Variants in DGKB observed in about 807,000 individuals in gnomAD.
DGKB encodes the protein 90 kDa diacylglycerol kinase.
DGKB carries 67 observed loss-of-function variants against 114.3 expected under a neutral mutation model. The ratio of observed to expected loss-of-function variants is 0.59; its 90% confidence interval spans 0.48 to 0.72. DGKB has a LOEUF of 0.72. DGKB is among the 30% of genes least tolerant of loss of function. The pLI is 0.00. For missense variants in DGKB, 907 were observed against 975.2 expected (o/e 0.93, Z 0.93); for synonymous variants, 398 against 323.1 (o/e 1.23, Z -2.49).
upstream of DGKB, among the ~76,000 whole-genome samples, chr7:14,907,534 C>T (rs1783772824): frequency 6.6e-6 from 1 of 152,170 alleles, no homozygotes; most frequent in Non-Finnish European, 1.5e-5. Flanking sequence ...TCTGCATGTG[C>T]GCTTACATGT....
intron 2 of DGKB, among the ~76,000 whole-genome samples, chr7:14,787,356 C>G (rs1421509979): frequency 3.3e-5 from 5 of 152,130 alleles, no homozygotes; most frequent in Non-Finnish European, 5.9e-5. Context: ...ACACAGAAAT[C>G]TGCAAGAGAA....
chr7:14,890,412 T>A (rs1190650964), intron 1 of DGKB, among the ~76,000 whole-genome samples: 1 of 151,424 alleles, frequency 6.6e-6, no homozygotes, highest in East Asian at 1.9e-4. Flanking sequence ...AAATCATGCT[T>A]TTCCTCTAAC....
At chr7:14,948,237 T>C (rs1159419263) in intron 1 of DGKB, among the ~76,000 whole-genome samples, 3 of 151,828 alleles carry the variant, frequency 2.0e-5, no homozygotes, top group African/African-American at 7.2e-5. Context: ...TTTAACTTTA[T>C]TTATTATAAA....
intron 21 of DGKB, among the ~76,000 whole-genome samples, chr7:14,377,083 G>A (rs1818610538): frequency 6.6e-6 from 1 of 152,118 alleles, no homozygotes; most frequent in African/African-American, 2.4e-5. Context: ...TTATAGGATG[G>A]GGGGTTCTGA....
At chr7:14,885,431 T>G (rs1854889535) in intron 1 of DGKB, among the ~76,000 whole-genome samples, 1 of 151,822 alleles carries the variant, frequency 6.6e-6, no homozygotes, top group Admixed American at 6.6e-5. Context: ...CAATGTTTCT[T>G]GGAGAGAGTG....
At chr7:14,786,271 G>A (rs1839884863) in intron 2 of DGKB, among the ~76,000 whole-genome samples, 1 of 152,088 alleles carries the variant, frequency 6.6e-6, no homozygotes, top group Non-Finnish European at 1.5e-5. Flanking sequence ...GTTATAATCG[G>A]TTGAATGTGT....
intron 1 of DGKB, among the ~76,000 whole-genome samples, chr7:14,940,453 T>C (rs1383093808): frequency 1.3e-5 from 2 of 152,134 alleles, no homozygotes; most frequent in Non-Finnish European, 2.9e-5. Context: ...AATTCTTTTT[T>C]TCTGGGATAA....
At chr7:14,889,563 T>G (rs928829676) in intron 1 of DGKB, among the ~76,000 whole-genome samples, 1 of 151,538 alleles carries the variant, frequency 6.6e-6, no homozygotes, top group African/African-American at 2.4e-5. Context: ...ACTGCTTGGT[T>G]TGGGAAACTG....
At chr7:14,631,897 A>G (rs1182585834) in intron 13 of DGKB, among the ~76,000 whole-genome samples, 1 of 151,984 alleles carries the variant, frequency 6.6e-6, no homozygotes, top group Non-Finnish European at 1.5e-5. Context: ...ATGGATCCTT[A>G]TCCCATTCTG....
At chr7:14,511,205 C>G (rs1278957412) in intron 20 of DGKB, among the ~76,000 whole-genome samples, 1 of 152,204 alleles carries the variant, frequency 6.6e-6, no homozygotes, top group African/African-American at 2.4e-5. Flanking sequence ...TCCTAGATAG[C>G]ATCTTCTTCA....
intron 23 of DGKB, among the ~76,000 whole-genome samples, chr7:14,318,838 G>T (rs576272361): frequency 1.3e-5 from 2 of 152,090 alleles, no homozygotes; most frequent in Admixed American, 1.3e-4. Flanking sequence ...ACATGCACAC[G>T]TATGTTTATT....
chr7:14,818,607 GA>G (rs1219505778), intron 2 of DGKB, among the ~76,000 whole-genome samples: 1 of 152,122 alleles, frequency 6.6e-6, no homozygotes, highest in Non-Finnish European at 1.5e-5. Context: ...CGACATAATG[GA>G]AACAGAAATG....
At chr7:14,748,315 AT>A (rs1833653197) in intron 4 of DGKB, among the ~76,000 whole-genome samples, 1 of 152,230 alleles carries the variant, frequency 6.6e-6, no homozygotes, top group Non-Finnish European at 1.5e-5. Context: ...TAGAAAAAAA[AT>A]AAAGAAGAAA....
intron 25 of DGKB, among the ~76,000 whole-genome samples, chr7:14,167,210 CAAAAAAAA>C (rs34278386): frequency 1.0e-5 from 1 of 99,394 alleles, no homozygotes; most frequent in Non-Finnish European, 1.9e-5. Context: ...GACTCCATCT[CAAAAAAAA>C]AAAAAAAAAA....
chr7:14,675,361 T>C (rs192149648), intron 12 of DGKB, among the ~76,000 whole-genome samples: 16 of 152,150 alleles, frequency 1.1e-4, no homozygotes, highest in Non-Finnish European at 2.2e-4. Flanking sequence ...GCTCTCTGTA[T>C]AGTTATTTGA....
At chr7:14,704,137 T>C (rs753338149) in intron 6 of DGKB, among the ~76,000 whole-genome samples, 9 of 151,846 alleles carry the variant, frequency 5.9e-5, no homozygotes, top group Non-Finnish European at 1.0e-4. Context: ...GAATATAACA[T>C]TTAGAAAATG....
intron 4 of DGKB, among the ~76,000 whole-genome samples, chr7:14,742,647 A>C (rs2128415085): frequency 6.6e-6 from 1 of 152,342 alleles, no homozygotes; most frequent in South Asian, 2.1e-4. Context: ...GAATTAACCA[A>C]GCCCTTGAAC....
At chr7:14,275,914 ATTC>A (rs1406662032) in intron 23 of DGKB, among the ~76,000 whole-genome samples, 2 of 152,204 alleles carry the variant, frequency 1.3e-5, no homozygotes, top group Non-Finnish European at 2.9e-5. Context: ...CGTTTAATTA[ATTC>A]TTATCTAATT....
At chr7:14,845,008 G>A (rs1042194322) in intron 1 of DGKB, among the ~76,000 whole-genome samples, 1 of 150,766 alleles carries the variant, frequency 6.6e-6, no homozygotes, top group African/African-American at 2.4e-5. Context: ...TCAGGAGGCT[G>A]AGGTGGGAGG....
Sources: gnomAD v4.1 joint callset for allele counts (sites outside exome capture counted in the v4.1 genomes callset) on GRCh38, gnomAD v4.1.1 for gene constraint, MANE v1.5 for transcripts, NCBI Gene and HGNC (gene_info 2026-07-23, HGNC 2026-07-21) for gene names.